Variants in TMED5 observed in about 807,000 individuals in gnomAD.
TMED5 encodes the protein transmembrane emp24 domain-containing protein 5.
In TMED5, 27 loss-of-function variants were observed where a neutral mutation model predicts 23.0. That is an observed-to-expected ratio of 1.17 (90% CI 0.86 to 1.62). The LOEUF (loss-of-function observed/expected upper bound fraction) is 1.62, where lower values mean the gene tolerates loss of function less well. TMED5 is among the 40% of genes most tolerant of loss of function. The pLI is 0.00. For synonymous variants in TMED5, 97 were observed against 100.8 expected (o/e 0.96, Z 0.23); for missense variants, 248 against 273.7 (o/e 0.91, Z 0.66).
chr1:93,180,397 G>A lies in TMED5; in HGVS notation c.-155C>T. ...GCGGCGGCGAACACTCCCTCCGAAA[G>A]AGAAGCGCAGTTCTCCAAAGGGTAG... On this transcript the variant is annotated 5_prime_UTR_variant, in exon 1 of 4. Coordinates refer to ENST00000370282, the MANE Select transcript of TMED5 (RefSeq NM_016040.5). 8.1e-7 allele frequency: 1 copy of A among 1,241,978 alleles called. No homozygotes were observed. Among genetic ancestry groups the A allele is most frequent in the Non-Finnish European group, 1.1e-6 (1 of 901,888 alleles). 76.9% of individuals were successfully genotyped at this position (1,241,978 alleles called of 1,614,324 possible). A position where few individuals can be genotyped will look rare whatever the true frequency, so the allele number is the denominator to read the frequency against.
intron 1 of TMED5, among the ~76,000 whole-genome samples, chr1:93,165,385 A>C (rs1184534349): frequency 1.3e-5 from 2 of 152,232 alleles, no homozygotes; most frequent in African/African-American, 4.8e-5. Context: ...CAAAGTAATA[A>C]TAGCAACAAT....
intron 1 of TMED5, among the ~76,000 whole-genome samples, chr1:93,163,405 C>T (rs1428385693): frequency 6.7e-6 from 1 of 148,330 alleles, no homozygotes; most frequent in South Asian, 2.1e-4. Context: ...AGTGTAGTGG[C>T]GCGATCTCAG....
chr1:93,158,416 TGA>T (rs1422116852), intron 2 of TMED5, among the ~76,000 whole-genome samples: 1 of 152,204 alleles, frequency 6.6e-6, no homozygotes, highest in Non-Finnish European at 1.5e-5. Flanking sequence ...AATTATTTAA[TGA>T]GAGGTAATTC....
At position 93,167,584 on chromosome 1, in the gene TMED5, G is replaced by C. The variant is rs942873061; in HGVS notation, c.190-7358C>G. On this transcript the variant is annotated intron_variant, in intron 1 of 3. Coordinates refer to ENST00000370282, the MANE Select transcript of TMED5 (RefSeq NM_016040.5). Reference sequence around the variant, plus strand: ...ACTGTTGGCATACAGAAATGCTATTGATTTTTGTATGTTGATTTTATATCC... The same window carrying C: ...ACTGTTGGCATACAGAAATGCTATTCATTTTTGTATGTTGATTTTATATCC... Among the ~76,000 whole-genome samples the C allele has an allele frequency of 7.2e-5, 11 of 152,160 alleles. No individual in the cohort carries two copies. The East Asian group carries it at 2.1e-3, about 29-fold the overall frequency.
In TMED5 at chr1:93,169,460, AG is replaced by A. The variant is rs569557020; in HGVS notation, c.190-9235del. On this transcript the variant is annotated intron_variant, in intron 1 of 3. Coordinates refer to ENST00000370282, the MANE Select transcript of TMED5 (RefSeq NM_016040.5). ...CATTGGATGAACTTATTAGAAAAGA[AG>A]AAAGATGTAAAATCAATAATGTAGA... 9.6e-4 allele frequency among the ~76,000 whole-genome samples: 146 copies of A among 152,310 alleles called. 2 individuals carry two copies. The highest frequency in any genetic ancestry group is 1.0e-4 in the Non-Finnish European group (7 of 68,038).
intron 1 of TMED5, chr1:93,161,423 T>G (rs1571274551): frequency 1.3e-5 from 2 of 152,346 alleles, no homozygotes; most frequent in East Asian, 3.9e-4. Context: ...CCTCTATTTC[T>G]GTTCCATTCT....
chr1:93,154,596 A>T lies in TMED5; in HGVS notation c.*74T>A. 2.0e-6 allele frequency: 2 copies of T among 1,000,038 alleles called. No homozygotes were observed. Among genetic ancestry groups the T allele is most frequent in the Non-Finnish European group, 3.0e-6 (2 of 667,976 alleles). 61.9% of individuals were successfully genotyped at this position (1,000,038 alleles called of 1,614,324 possible). A position where few individuals can be genotyped will look rare whatever the true frequency, so the allele number is the denominator to read the frequency against. Reference sequence around the variant, plus strand: ...TCAAAATATTTTGGAGAAGACCATTAATGGTCTTGACTGTAACAGTTTATT... The same window carrying T: ...TCAAAATATTTTGGAGAAGACCATTTATGGTCTTGACTGTAACAGTTTATT... On this transcript the variant is annotated 3_prime_UTR_variant, in exon 4 of 4. Coordinates refer to ENST00000370282, the MANE Select transcript of TMED5 (RefSeq NM_016040.5).
chr1:93,170,566 C>CTCCACGG (rs1418486211), intron 1 of TMED5, among the ~76,000 whole-genome samples: 1 of 152,228 alleles, frequency 6.6e-6, no homozygotes, highest in Admixed American at 6.5e-5. Context: ...CCACTCCCTG[C>CTCCACGG]TCCACGGCAC....
chr1:93,164,988 G>C (rs1000444604), intron 1 of TMED5, among the ~76,000 whole-genome samples: 1 of 152,222 alleles, frequency 6.6e-6, no homozygotes, highest in Non-Finnish European at 1.5e-5. Context: ...GTTGTAAAAT[G>C]CGTTACAGAG....
chr1:93,174,986 AT>A (rs1011857347), intron 1 of TMED5, among the ~76,000 whole-genome samples: 15 of 150,314 alleles, frequency 1.0e-4, no homozygotes, highest in African/African-American at 3.7e-4. Context: ...AATGATTTAT[AT>A]TCCTCTGGGT....
In TMED5 at chr1:93,150,172, C is replaced by T. The variant is rs1185351336; in HGVS notation, c.*4498G>A. The stretch of plus-strand genomic sequence containing the variant: ...CAACCACGAATCTTGTTTCCCATCT[C>T]TATAGCTTTATTATTTAAGAATGTT... On this transcript the variant is annotated 3_prime_UTR_variant, in exon 4 of 4. Transcript: ENST00000370282. 8 of 152,212 alleles carry T rather than the reference C, an allele frequency of 5.3e-5. No individual in the cohort carries two copies. The highest frequency in any genetic ancestry group is 1.0e-4 in the Non-Finnish European group (7 of 68,036). 9.4% of individuals were successfully genotyped at this position (152,212 alleles called of 1,614,324 possible).
At chr1:93,171,143 G>A (rs1199270911) in intron 1 of TMED5, among the ~76,000 whole-genome samples, 1 of 152,008 alleles carries the variant, frequency 6.6e-6, no homozygotes, top group Non-Finnish European at 1.5e-5. Context: ...CTTCACTCCT[G>A]AAGCCAGCGA....
At position 93,180,150 on chromosome 1, in the gene TMED5, G is replaced by A. The variant is rs11543931; in HGVS notation, c.93C>T (p.Ser31=). The A allele has an allele frequency of 3.1e-6, 5 of 1,613,712 alleles. No homozygotes were observed. Among genetic ancestry groups the A allele is most frequent in the Admixed American group, 3.3e-5 (2 of 59,974 alleles). Residue 31 remains serine, a synonymous_variant, in exon 1 of 4, where the codon TCC becomes TCT. Coordinates refer to ENST00000370282, the MANE Select transcript of TMED5 (RefSeq NM_016040.5). ...GGGTAAAGGTGAAGTCGCTATCGAG[G>A]GAAGGTGTGAAGCCGGCCGCCCCAG... The part of the protein sequence containing the change: ...LLPGAAGFTP[S]LDSDFTFTLP...
At chr1:93,168,380 G>C (rs1451717940) in intron 1 of TMED5, among the ~76,000 whole-genome samples, 1 of 152,182 alleles carries the variant, frequency 6.6e-6, no homozygotes, top group African/African-American at 2.4e-5. Flanking sequence ...ACCATATGCT[G>C]TCCACAAGAA....
chr1:93,156,973 A>ATGTT (rs1358988386), intron 2 of TMED5, among the ~76,000 whole-genome samples: 122 of 152,286 alleles, frequency 8.0e-4, no homozygotes, highest in East Asian at 1.3e-3. Flanking sequence ...CAACTTAGAC[A>ATGTT]TGTTTGGCAT....
chr1:93,156,123 A>G, intron 3 of TMED5, 177 bp downstream of exon 3: 1 of 1,201,176 alleles, frequency 8.3e-7, no homozygotes, highest in Non-Finnish European at 1.2e-6. Flanking sequence ...AAAGGGCTAT[A>G]TTAATATAAA....
Position 93,150,744 on chromosome 1 carries a change from T to G in TMED5, c.*3926A>C, listed in dbSNP as rs1333224540. The G allele has an allele frequency of 6.6e-6, 1 of 152,242 alleles. No individual in the cohort carries two copies. The highest frequency in any genetic ancestry group is 2.4e-5 in the African/African-American group (1 of 41,464). 9.4% of individuals were successfully genotyped at this position (152,242 alleles called of 1,614,324 possible). On this transcript the variant is annotated 3_prime_UTR_variant, in exon 4 of 4. Coordinates refer to ENST00000370282, the MANE Select transcript of TMED5 (RefSeq NM_016040.5). Reference sequence around the variant, plus strand: ...GCCTCCCATTTCATATTAGCTGTAGTAACAATCCCCTTTACAACATTTGAT... The same window carrying G: ...GCCTCCCATTTCATATTAGCTGTAGGAACAATCCCCTTTACAACATTTGAT...
intron 3 of TMED5, among the ~76,000 whole-genome samples, chr1:93,155,352 G>C (rs1489017826): frequency 3.3e-5 from 5 of 152,092 alleles, no homozygotes; most frequent in African/African-American, 9.7e-5. Flanking sequence ...TTCTCTGTAA[G>C]GTTATATAAT....
At chr1:93,177,881 A>C (rs887697105) in intron 1 of TMED5, among the ~76,000 whole-genome samples, 1 of 152,190 alleles carries the variant, frequency 6.6e-6, no homozygotes, top group African/African-American at 2.4e-5. Context: ...AAGTAGGCAG[A>C]GTCAAGATTT....
Sources: gnomAD v4.1 joint callset for allele counts (sites outside exome capture counted in the v4.1 genomes callset) on GRCh38, gnomAD v4.1.1 for gene constraint, MANE v1.5 for transcripts, NCBI Gene and HGNC (gene_info 2026-07-23, HGNC 2026-07-21) for gene names.